PLPP1: variants seen among roughly 807,000 people sequenced by gnomAD.
PLPP1 encodes phospholipid phosphatase 1, also known as lipid phosphate phosphohydrolase 1a.
Under a neutral mutation model 31.2 loss-of-function variants are expected in PLPP1, and 24 were observed. That is an observed-to-expected ratio of 0.77 (90% CI 0.56 to 1.08). PLPP1 has a LOEUF of 1.08. Among genes scored for constraint, PLPP1 ranks in the 50% least tolerant of loss-of-function variants. The pLI is 0.00. For missense variants in PLPP1, 319 were observed against 342.7 expected (o/e 0.93, Z 0.55); for synonymous variants, 146 against 126.3 (o/e 1.16, Z -1.05).
chr5:55,472,532 G>A (rs1325837041), intron 2 of PLPP1, among the ~76,000 whole-genome samples: 2 of 151,918 alleles, frequency 1.3e-5, no homozygotes, highest in African/African-American at 2.4e-5. Flanking sequence ...CCCAGGAGTC[G>A]GAGTTTGCAG....
chr5:55,466,461 G>T (rs1752297057), intron 3 of PLPP1, among the ~76,000 whole-genome samples: 1 of 152,162 alleles, frequency 6.6e-6, no homozygotes, highest in Non-Finnish European at 1.5e-5. Context: ...CCAGCACTCT[G>T]GGAACCTGAG....
chr5:55,451,815 C>T (rs1025366476), intron 3 of PLPP1, among the ~76,000 whole-genome samples: 1 of 152,152 alleles, frequency 6.6e-6, no homozygotes, highest in African/African-American at 2.4e-5. Flanking sequence ...CCCACCTTGG[C>T]CTCCCAAAGT....
chr5:55,528,572 A>T (rs1285053586), intron 1 of PLPP1, among the ~76,000 whole-genome samples: 1 of 152,244 alleles, frequency 6.6e-6, no homozygotes, highest in Non-Finnish European at 1.5e-5. Context: ...GCCTAATGCC[A>T]TAGTGGCTAA....
intron 1 of PLPP1, among the ~76,000 whole-genome samples, chr5:55,479,409 G>A (rs190984564): frequency 6.6e-6 from 1 of 152,330 alleles, no homozygotes; most frequent in African/African-American, 2.4e-5. Context: ...CCCTGGAAGG[G>A]GATGAAGAAA....
intron 3 of PLPP1, among the ~76,000 whole-genome samples, chr5:55,450,610 G>A (rs1316936222): frequency 1.3e-5 from 2 of 152,124 alleles, no homozygotes; most frequent in Non-Finnish European, 2.9e-5. Flanking sequence ...GACAAAAAGG[G>A]TAAAACACAT....
rs1485602693 is a variant in PLPP1, at chr5:55,467,851, T to C, written c.491+18A>G. 6.3e-7 allele frequency: 1 copy of C among 1,592,148 alleles called. No individual in the cohort carries two copies. Among genetic ancestry groups the C allele is most frequent in the Non-Finnish European group, 8.6e-7 (1 of 1,168,102 alleles). The stretch of plus-strand genomic sequence containing the variant: ...AGAATATACAAGATTAAACAAGCAT[T>C]AGCGATTTAACACTCACCTGCCTTC... On this transcript the variant is annotated intron_variant, in intron 3 of 5. Coordinates refer to ENST00000307259, the MANE Select transcript of PLPP1 (RefSeq NM_003711.4).
Position 55,424,940 on chromosome 5 carries a change from A to G in PLPP1, c.*266T>C, listed in dbSNP as rs1319507310. 3.2e-6 allele frequency: 2 copies of G among 633,464 alleles called. No individual in the cohort carries two copies. The highest frequency in any genetic ancestry group is 5.4e-6 in the Non-Finnish European group (2 of 371,244). 39.2% of individuals were successfully genotyped at this position (633,464 alleles called of 1,614,324 possible). ...CATATTACATACATGTTTATACATA[A>G]GCATTACATTTTTTTAATAAAAATG... On this transcript the variant is annotated 3_prime_UTR_variant, in exon 6 of 6. Coordinates refer to ENST00000307259, the MANE Select transcript of PLPP1 (RefSeq NM_003711.4).
intron 1 of PLPP1, among the ~76,000 whole-genome samples, chr5:55,531,729 C>T (rs1258247054): frequency 6.6e-6 from 1 of 152,162 alleles, no homozygotes; most frequent in African/African-American, 2.4e-5. Flanking sequence ...TAACAGACTC[C>T]ACCAGAAAGG....
chr5:55,466,066 C>T (rs34723860), intron 3 of PLPP1, among the ~76,000 whole-genome samples: 7,664 of 152,252 alleles, frequency 0.05, 331 homozygotes, highest in Admixed American at 0.11. Context: ...GCTTGTTCAC[C>T]TGAGCTCAAA....
At chr5:55,457,605 T>C (rs1259452469) in intron 3 of PLPP1, among the ~76,000 whole-genome samples, 1 of 152,116 alleles carries the variant, frequency 6.6e-6, no homozygotes, top group Non-Finnish European at 1.5e-5. Flanking sequence ...AATATATGTA[T>C]GAATAATTTG....
rs753885887 is a variant in PLPP1 at position 55,526,845 on chromosome 5, T to C, written c.58+7727A>G. ...TACTTGGGAGGCTGAGGCAGGAGAA[T>C]GGCGTGAACCTGGGAGGCGGAGCTT... On this transcript the variant is annotated intron_variant, in intron 1 of 5. Transcript: ENST00000307259. 2.1e-4 allele frequency among the ~76,000 whole-genome samples: 28 copies of C among 136,400 alleles called. No individual in the cohort carries two copies. In the South Asian group the frequency reaches 3.5e-3, roughly 17 times the overall value. The allele number at this position is 136,400 out of a possible 152,430, so 89.5% of individuals were successfully genotyped here.
chr5:55,502,512 C>G (rs1322562743), intron 1 of PLPP1, among the ~76,000 whole-genome samples: 1 of 151,538 alleles, frequency 6.6e-6, no homozygotes, highest in Non-Finnish European at 1.5e-5. Context: ...ATGTCCAATA[C>G]AATGTGTTGT....
In PLPP1 at chr5:55,441,852, G is replaced by A. The variant is rs866479092; in HGVS notation, c.548C>T (p.Ala183Val). Residue 183 changes from alanine to valine, a missense_variant and splice_region_variant, in exon 4 of 6, where the codon GCA becomes GTA. Physicochemically the swap from Ala to Val is moderately conservative, Grantham distance 64. Transcript: ENST00000307259. ...SFSMYCMLFV[A>V]LYLQARMKGD... ...CGTCAACAGACACAAAGTACTTACTGCCACAAACAGCATGCAGTACATGGA... is the reference window on the plus strand; with the variant it reads ...CGTCAACAGACACAAAGTACTTACTACCACAAACAGCATGCAGTACATGGA... 9 of 1,612,986 alleles carry A rather than the reference G, an allele frequency of 5.6e-6. No homozygotes were observed. The African/African-American group carries it at 1.2e-4, about 22-fold the overall frequency.
At chr5:55,486,998 T>C (rs538164360) in intron 1 of PLPP1, among the ~76,000 whole-genome samples, 2 of 152,198 alleles carry the variant, frequency 1.3e-5, no homozygotes, top group Non-Finnish European at 2.9e-5. Context: ...AATCACTCTT[T>C]AGAAAAAGTT....
chr5:55,502,903 G>C (rs1579969847), intron 1 of PLPP1, among the ~76,000 whole-genome samples: 1 of 152,210 alleles, frequency 6.6e-6, no homozygotes, highest in East Asian at 1.9e-4. Flanking sequence ...TCAAATTTTA[G>C]AATCCTGAGC....
At chr5:55,432,098 C>CTTTTTTTTTTTTT (rs869025950) in intron 4 of PLPP1, among the ~76,000 whole-genome samples, 4 of 7,136 alleles carry the variant, frequency 5.6e-4, no homozygotes, top group African/African-American at 8.5e-4. Flanking sequence ...TCTTTTTCTT[C>CTTTTTTTTTTTTT]TTTTTTTTTT....
In PLPP1 at chr5:55,457,817, AG is replaced by A. The variant is rs370660816; in HGVS notation, c.491+10051del. On this transcript the variant is annotated intron_variant, in intron 3 of 5. Transcript: ENST00000307259. ...GGCAGGAGAATCGCTTGAACCCGGG[AG>A]GCAGAGGTTGCAGTGAGCCAAGATC... Among the ~76,000 whole-genome samples the A allele has an allele frequency of 5.5e-3, 833 of 150,436 alleles. 4 individuals are homozygous for A. Among genetic ancestry groups the A allele is most frequent in the African/African-American group, 0.02 (803 of 40,868 alleles).
chr5:55,531,062 T>G (rs756356396), intron 1 of PLPP1, among the ~76,000 whole-genome samples: 8 of 152,226 alleles, frequency 5.3e-5, no homozygotes, highest in Admixed American at 1.3e-4. Flanking sequence ...ATAATGTATA[T>G]GGCCTGTTCT....
At chr5:55,467,649 G>A (rs967763402) in intron 3 of PLPP1, among the ~76,000 whole-genome samples, 8 of 151,466 alleles carry the variant, frequency 5.3e-5, no homozygotes, top group Admixed American at 4.6e-4. Flanking sequence ...ACATGCTGGC[G>A]ATGAAAAAAA....
Sources: allele counts gnomAD v4.1 joint callset (sites outside exome capture counted in the v4.1 genomes callset), GRCh38; gene constraint gnomAD v4.1.1; transcripts MANE v1.5; gene names NCBI Gene and HGNC (gene_info 2026-07-23, HGNC 2026-07-21).